The following FSIP2 variants were observed in gnomAD, a reference collection of about 807,000 sequenced individuals.
FSIP2 encodes fibrous sheath-interacting protein 2.
Under a neutral mutation model 510.5 loss-of-function variants are expected in FSIP2, and 367 were observed. The observed-to-expected ratio is 0.72, with a 90% confidence interval of 0.66 to 0.78. The LOEUF (loss-of-function observed/expected upper bound fraction) is 0.78. Ranked by LOEUF, FSIP2 falls within the 30% of genes least tolerant of loss-of-function variation. FSIP2 has a pLI of 0.00. For synonymous variants in FSIP2, 2,601 were observed against 2,732.2 expected (o/e 0.95, Z 1.50); for missense variants, 7,594 against 7,901.7 (o/e 0.96, Z 1.48).
At chr2:185,763,051 CCT>C in intron 11 of FSIP2, 130 bp from the exon 12 acceptor site, 1 of 567,874 alleles carries the variant, frequency 1.8e-6, no homozygotes, top group Non-Finnish European at 3.1e-6. Context: ...CAAATAAATC[CCT>C]GATTGTGGCA....
At position 185,806,575 on chromosome 2, in the gene FSIP2, G is replaced by A; in HGVS notation, c.17269G>A (p.Val5757Ile). 6.2e-7 allele frequency: 1 copy of A among 1,606,398 alleles called. No homozygotes were observed. The highest frequency in any genetic ancestry group is 8.5e-7 in the Non-Finnish European group (1 of 1,177,522). Residue 5757 changes from valine (V) to isoleucine (I), a missense_variant, in exon 17 of 23, where the codon GTA (valine) becomes ATA (isoleucine). By Grantham distance (29) the Val-to-Ile change is conservative. Transcript: ENST00000424728. Reference sequence around the variant, plus strand: ...AGAGGAAGAGAGAGAAAAAGAGAAAGTAAGAGAGGAGATTAAAAGTGAACC... The same window carrying A: ...AGAGGAAGAGAGAGAAAAAGAGAAAATAAGAGAGGAGATTAAAAGTGAACC... ...KEEEEREKEK[V>I]REEIKSEPSK...
At chr2:185,738,747 G>A (rs1031030552), upstream of FSIP2, 5 of 1,535,980 alleles carry the variant, frequency 3.3e-6, no homozygotes, top group Admixed American at 3.9e-5. Context: ...TTCTGGGGCC[G>A]CTACCATTGG....
At chr2:185,782,783 A>G (rs1257357465) in intron 14 of FSIP2, 21 bp downstream of exon 14, 2 of 1,219,598 alleles carry the variant, frequency 1.6e-6, no homozygotes, top group African/African-American at 1.5e-5. Flanking sequence ...AAGGAATTAT[A>G]TATAATCATA....
rs557745786 is a variant in FSIP2, at chr2:185,760,400, G to A, written c.1079-588G>A. Among the ~76,000 whole-genome samples the A allele has an allele frequency of 6.2e-5, 8 of 129,514 alleles. No homozygotes were observed. In the South Asian group the frequency reaches 1.2e-3, roughly 19 times the overall value. 85.0% of individuals were successfully genotyped at this position (129,514 alleles called of 152,430 possible). On this transcript the variant is annotated intron_variant, in intron 9 of 22. Transcript: ENST00000424728. ...CACTCAGCTACTAGGTATTTACCCAGTAAAAATGAAAAAAAAATGTGTTCA... is the reference window on the plus strand; with the variant it reads ...CACTCAGCTACTAGGTATTTACCCAATAAAAATGAAAAAAAAATGTGTTCA...
chr2:185,788,229 GT>G (rs1461542124), intron 15 of FSIP2: 1 of 152,496 alleles, frequency 6.6e-6, no homozygotes, highest in African/African-American at 2.4e-5. Flanking sequence ...GAAATGTTTT[GT>G]TAGAAATATT....
intron 19 of FSIP2, among the ~76,000 whole-genome samples, chr2:185,817,688 A>T (rs1255710226): frequency 6.6e-6 from 1 of 152,012 alleles, no homozygotes; most frequent in African/African-American, 2.4e-5. Flanking sequence ...ATTACTAAGC[A>T]TACAAAAAAT....
At position 185,806,427 on chromosome 2, in the gene FSIP2, A is replaced by C; in HGVS notation, c.17121A>C (p.Gln5707His). ...PAYYSKLSYD[Q>H]SPPGDNVLNV... ...ATTATTCGAAACTCAGTTATGACCAAAGCCCCCCAGGTGATAATGTATTAA... is the reference window on the plus strand; with the variant it reads ...ATTATTCGAAACTCAGTTATGACCACAGCCCCCCAGGTGATAATGTATTAA... Residue 5707 changes from glutamine to histidine, a missense_variant, in exon 17 of 23, where the codon CAA (glutamine) becomes CAC (histidine). Transcript: ENST00000424728. 2 of 1,612,190 alleles carry C rather than the reference A, an allele frequency of 1.2e-6. No individual in the cohort carries two copies. The highest frequency in any genetic ancestry group is 1.7e-6 in the Non-Finnish European group (2 of 1,178,738).
chr2:185,808,079 C>T lies in FSIP2; in HGVS notation c.18773C>T (p.Thr6258Ile). 6.2e-7 allele frequency: 1 copy of T among 1,607,974 alleles called. No individual in the cohort carries two copies. Among genetic ancestry groups the T allele is most frequent in the Non-Finnish European group, 8.5e-7 (1 of 1,177,864 alleles). ...GAAAACATAGTTAATTCTATTTATA[C>T]CAGTGTTTTAAAGCACTCTGGCTCT... ...TIENIVNSIY[T>I]SVLKHSGSYT... The change falls in exon 17 of 23, where the codon ACC (threonine) becomes ATC (isoleucine). Residue 6258 changes from threonine (T) to isoleucine (I), a missense_variant. Coordinates refer to ENST00000424728, the MANE Select transcript of FSIP2 (RefSeq NM_173651.4).
chr2:185,799,675 T>C (rs1693377432), intron 16 of FSIP2, 22 bp from the exon 17 acceptor site: 1 of 1,145,168 alleles, frequency 8.7e-7, no homozygotes, highest in African/African-American at 1.6e-5. Flanking sequence ...CATGCTAAAA[T>C]TACAATGTTT....
At chr2:185,738,208 A>C (rs1171047799), upstream of FSIP2, 1 of 227,546 alleles carries the variant, frequency 4.4e-6, no homozygotes, top group Admixed American at 5.2e-5. Flanking sequence ...CCCAGTGCTT[A>C]GCTCAATGAC....
rs1484403472 is a variant in FSIP2 at position 185,799,702 on chromosome 2, A to G, written c.10396A>G (p.Ser3466Gly). 1.6e-6 allele frequency: 2 copies of G among 1,276,854 alleles called. No individual in the cohort carries two copies. The highest frequency in any genetic ancestry group is 2.1e-6 in the Non-Finnish European group (2 of 968,186). 79.1% of individuals were successfully genotyped at this position (1,276,854 alleles called of 1,614,324 possible). A position where few individuals can be genotyped will look rare whatever the true frequency, so the allele number is the denominator to read the frequency against. The stretch of plus-strand genomic sequence containing the variant: ...ACAATGTTTCCTTTTTTAAGTTTTT[A>G]GTGAGGAAAAGATGTCTGTTTCTAC... Reference protein sequence around the residue: ...YLKNFETTVFSEEKMSVSTWS... With the variant: ...YLKNFETTVFGEEKMSVSTWS... The change falls in exon 17 of 23, where the codon AGT becomes GGT. Residue 3466 changes from serine to glycine, a missense_variant. Ser to Gly is a moderately conservative substitution (Grantham distance 56). Coordinates refer to ENST00000424728, the MANE Select transcript of FSIP2 (RefSeq NM_173651.4).
chr2:185,792,987 GCTTTAC>G lies in FSIP2; in HGVS notation c.5854_5859del (p.Leu1952_Pro1953del). ...TCAAGTCAACTTTACAGTTCCAGTG[GCTTTAC>G]CTATTCAGCAAGATCACAGTACATT... On this transcript the variant is annotated inframe_deletion, in exon 16 of 23. Transcript: ENST00000424728. 6.5e-7 allele frequency: 1 copy of G among 1,534,376 alleles called. No individual in the cohort carries two copies. Among genetic ancestry groups the G allele is most frequent in the Non-Finnish European group, 8.7e-7 (1 of 1,145,690 alleles).
At chr2:185,816,667 A>T (rs868091243) in intron 19 of FSIP2, among the ~76,000 whole-genome samples, 8 of 151,648 alleles carry the variant, frequency 5.3e-5, no homozygotes, top group African/African-American at 1.9e-4. Context: ...GCAAGACCCT[A>T]ACTCTACTAA....
rs554331898 is a variant in FSIP2, at chr2:185,803,999, T to C, written c.14693T>C (p.Phe4898Ser). The change falls in exon 17 of 23, where the codon TTT becomes TCT. Residue 4898 changes from phenylalanine to serine, a missense_variant. Coordinates refer to ENST00000424728, the MANE Select transcript of FSIP2 (RefSeq NM_173651.4). Reference sequence around the variant, plus strand: ...ATACCTGTTTCAAAAATAGCGAGTTTTATAATAAAAGAAATCTTTAACCAT... The same window carrying C: ...ATACCTGTTTCAAAAATAGCGAGTTCTATAATAAAAGAAATCTTTAACCAT... ...SDIPVSKIAS[F>S]IIKEIFNHHI... 1.2e-5 allele frequency: 18 copies of C among 1,497,984 alleles called. No homozygotes were observed. In the East Asian group the frequency reaches 4.4e-4, roughly 37 times the overall value. 92.8% of individuals were successfully genotyped at this position (1,497,984 alleles called of 1,614,324 possible).
chr2:185,802,767 G>T lies in FSIP2; in HGVS notation c.13461G>T (p.Leu4487=), dbSNP rs1440461062. The T allele has an allele frequency of 1.3e-6, 2 of 1,514,886 alleles. No individual in the cohort carries two copies. Among genetic ancestry groups the T allele is most frequent in the Admixed American group, 2.1e-5 (1 of 46,994 alleles). 93.8% of individuals were successfully genotyped at this position (1,514,886 alleles called of 1,614,324 possible). A position where few individuals can be genotyped will look rare whatever the true frequency, so the allele number is the denominator to read the frequency against. Reference sequence around the variant, plus strand: ...AATTATTTTCTTCTGCATCTAGCCTGGTTCTAAACAGAGACACCCAAAAAG... The same window carrying T: ...AATTATTTTCTTCTGCATCTAGCCTTGTTCTAAACAGAGACACCCAAAAAG... ...LSKLFSSASS[L]VLNRDTQKDI... Residue 4487 remains leucine (L), a synonymous_variant, in exon 17 of 23, where the codon CTG becomes CTT. Transcript: ENST00000424728.
chr2:185,821,890 C>T (rs746756490), intron 19 of FSIP2, among the ~76,000 whole-genome samples: 13 of 148,772 alleles, frequency 8.7e-5, no homozygotes, highest in Non-Finnish European at 1.3e-4. Flanking sequence ...CACACCACTT[C>T]GCTCCAGCCT....
chr2:185,791,699 A>G lies in FSIP2; in HGVS notation c.4563A>G (p.Pro1521=). The change falls in exon 16 of 23, where the codon CCA becomes CCG. Residue 1521 remains proline, a synonymous_variant. Transcript: ENST00000424728. The part of the protein sequence containing the change: ...AISESLDIDN[P]SFASIIEKMA... ...CAGAGTCTCTTGACATTGACAACCC[A>G]TCATTTGCTTCAATTATTGAGAAAA... 6.5e-7 allele frequency: 1 copy of G among 1,534,378 alleles called. No individual in the cohort carries two copies. Among genetic ancestry groups the G allele is most frequent in the Non-Finnish European group, 8.7e-7 (1 of 1,145,608 alleles).
chr2:185,806,482 G>A lies in FSIP2; in HGVS notation c.17176G>A (p.Ala5726Thr), dbSNP rs1693581250. ...NVIQEISRDSAQSVTTKKVSS... is the reference protein window; with the variant it reads ...NVIQEISRDSTQSVTTKKVSS... ...AATTCAAGAGATTAGCAGGGATTCG[G>A]CACAGTCTGTTACAACAAAAAAAGT... The change falls in exon 17 of 23, where the codon GCA (alanine) becomes ACA (threonine). Residue 5726 changes from alanine (A) to threonine (T), a missense_variant. Ala to Thr is a moderately conservative substitution (Grantham distance 58, BLOSUM62 0). Coordinates refer to ENST00000424728, the MANE Select transcript of FSIP2 (RefSeq NM_173651.4). 6.2e-7 allele frequency: 1 copy of A among 1,609,476 alleles called. No individual in the cohort carries two copies. Among genetic ancestry groups the A allele is most frequent in the African/African-American group, 1.3e-5 (1 of 74,592 alleles).
chr2:185,827,818 CATT>C (rs1694039325), intron 20 of FSIP2, among the ~76,000 whole-genome samples: 1 of 151,852 alleles, frequency 6.6e-6, no homozygotes, highest in Admixed American at 6.6e-5. Flanking sequence ...AGTAATCCCT[CATT>C]GTACAGGTAA....
Sources: allele counts gnomAD v4.1 joint callset (sites outside exome capture counted in the v4.1 genomes callset), GRCh38; gene constraint gnomAD v4.1.1; transcripts MANE v1.5; gene names NCBI Gene and HGNC (gene_info 2026-07-23, HGNC 2026-07-21).